SLC24A2: variants seen among roughly 807,000 people sequenced by gnomAD.
SLC24A2 encodes solute carrier family 24 member 2.
In SLC24A2, 36 loss-of-function variants were observed where a neutral mutation model predicts 62.0. The ratio of observed to expected loss-of-function variants is 0.58; its 90% CI spans 0.44 to 0.77. The LOEUF (loss-of-function observed/expected upper bound fraction) is 0.77. SLC24A2 is among the 30% of genes least tolerant of loss of function. The pLI is 0.00. For missense variants in SLC24A2, 846 were observed against 817.9 expected, an observed-to-expected ratio of 1.03 and a Z score of -0.42; for synonymous variants, 358 against 294.0, an observed-to-expected ratio of 1.22 and a Z score of -2.23.
At chr9:20,137,427 A>G in the SLC24A2 span, among the ~76,000 whole-genome samples, 1 of 152,192 alleles carries the variant, frequency 6.6e-6, no homozygotes, top group East Asian at 1.9e-4. Flanking sequence ...AAGCTCTGCT[A>G]CTGTGACTTA....
At chr9:19,997,413 G>T in the SLC24A2 span, among the ~76,000 whole-genome samples, 1 of 152,130 alleles carries the variant, frequency 6.6e-6, no homozygotes, top group Non-Finnish European at 1.5e-5. Context: ...GGAAGTGGAC[G>T]TACCATATTA....
chr9:20,289,453 A>G, the SLC24A2 span, among the ~76,000 whole-genome samples: 4 of 152,338 alleles, frequency 2.6e-5, no homozygotes, highest in East Asian at 7.7e-4. Flanking sequence ...GAATTAAAGG[A>G]GTGCAGTTTT....
intron 2 of SLC24A2, among the ~76,000 whole-genome samples, chr9:19,762,951 G>A (rs1822388072): frequency 6.6e-6 from 1 of 152,076 alleles, no homozygotes; most frequent in Admixed American, 6.6e-5. Context: ...CTATCCATGA[G>A]CACGGAATGT....
At chr9:19,996,140 TG>T in the SLC24A2 span, among the ~76,000 whole-genome samples, 1 of 152,130 alleles carries the variant, frequency 6.6e-6, no homozygotes, top group Admixed American at 6.6e-5. Context: ...AGGGTAAAGT[TG>T]GGAAAGAAAT....
chr9:20,213,920 G>C, the SLC24A2 span, among the ~76,000 whole-genome samples: 1,027 of 152,214 alleles, frequency 6.7e-3, 16 homozygotes, highest in African/African-American at 0.023. Context: ...TTCACCCTGT[G>C]TTTCCCTTAT....
At chr9:19,833,646 G>A in the SLC24A2 span, among the ~76,000 whole-genome samples, 1 of 152,070 alleles carries the variant, frequency 6.6e-6, no homozygotes, top group African/African-American at 2.4e-5. Flanking sequence ...CTCCACCTCT[G>A]GGGGCACAGC....
At chr9:19,883,768 T>G in the SLC24A2 span, among the ~76,000 whole-genome samples, 1 of 152,158 alleles carries the variant, frequency 6.6e-6, no homozygotes, top group Admixed American at 6.5e-5. Context: ...GGTTTCACTG[T>G]GTTAGCCAGG....
chr9:20,120,132 A>G, the SLC24A2 span, among the ~76,000 whole-genome samples: 1 of 152,178 alleles, frequency 6.6e-6, no homozygotes. Context: ...TTCTTCACAC[A>G]CAAGTATTTT....
chr9:19,762,977 G>C (rs966972120), intron 2 of SLC24A2, among the ~76,000 whole-genome samples: 3 of 152,030 alleles, frequency 2.0e-5, no homozygotes, highest in Admixed American at 6.6e-5. Context: ...CCATTTGTTT[G>C]AGTCCTCTCT....
chr9:20,224,336 C>T, the SLC24A2 span, among the ~76,000 whole-genome samples: 5 of 151,860 alleles, frequency 3.3e-5, no homozygotes, highest in Admixed American at 3.3e-4. Flanking sequence ...GAGCCACAAA[C>T]ACGATGAGTT....
At chr9:20,085,548 A>G in the SLC24A2 span, among the ~76,000 whole-genome samples, 1 of 152,174 alleles carries the variant, frequency 6.6e-6, no homozygotes. Context: ...TAATTACATA[A>G]GCATGCTGTT....
the SLC24A2 span, among the ~76,000 whole-genome samples, chr9:20,264,557 T>G: frequency 1.3e-5 from 2 of 152,210 alleles, no homozygotes; most frequent in African/African-American, 4.8e-5. Flanking sequence ...TGGCATTCAA[T>G]TCTGTGTCCA....
the SLC24A2 span, among the ~76,000 whole-genome samples, chr9:20,141,218 T>C: frequency 6.6e-6 from 1 of 152,140 alleles, no homozygotes; most frequent in African/African-American, 2.4e-5. Context: ...TTGATGAGGC[T>C]CACCTGGTAA....
intron 2 of SLC24A2, among the ~76,000 whole-genome samples, chr9:19,727,123 T>C (rs1043025805): frequency 4.6e-5 from 7 of 152,170 alleles, no homozygotes; most frequent in African/African-American, 1.7e-4. Flanking sequence ...AAAGCAGTTC[T>C]GTGTCTGTGG....
intron 5 of SLC24A2, among the ~76,000 whole-genome samples, chr9:19,581,434 G>T: frequency 6.6e-6 from 1 of 152,122 alleles, no homozygotes; most frequent in African/African-American, 2.4e-5. Context: ...GAAGCACCAG[G>T]TTCTTAACCC....
the SLC24A2 span, among the ~76,000 whole-genome samples, chr9:19,874,749 T>C: frequency 6.6e-6 from 1 of 152,220 alleles, no homozygotes; most frequent in Non-Finnish European, 1.5e-5. Context: ...GAGGTCAGCT[T>C]TGTCTGCGTC....
chr9:20,246,158 GAGAA>G, the SLC24A2 span, among the ~76,000 whole-genome samples: 1 of 102,170 alleles, frequency 9.8e-6, no homozygotes, highest in Admixed American at 9.7e-5. Context: ...CTGGCACTCA[GAGAA>G]AGATGCACTC....
the SLC24A2 span, among the ~76,000 whole-genome samples, chr9:20,287,040 T>C: frequency 1.3e-5 from 2 of 152,226 alleles, no homozygotes; most frequent in East Asian, 1.9e-4. Flanking sequence ...GAGTCTAGAG[T>C]AGAGGCCCGG....
At chr9:19,532,854 T>A (rs970606111) in intron 8 of SLC24A2, among the ~76,000 whole-genome samples, 1 of 152,236 alleles carries the variant, frequency 6.6e-6, no homozygotes, top group African/African-American at 2.4e-5. Flanking sequence ...TAATGGGTCA[T>A]GTTTTCATAT....
Sources: allele counts gnomAD v4.1 joint callset (sites outside exome capture counted in the v4.1 genomes callset), GRCh38; gene constraint gnomAD v4.1.1; transcripts MANE v1.5; gene names NCBI Gene and HGNC (gene_info 2026-07-23, HGNC 2026-07-21).